NOS1AP: variants seen among roughly 807,000 people sequenced by gnomAD.
The protein encoded by NOS1AP is nitric oxide synthase 1 adaptor protein.
NOS1AP carries 21 observed loss-of-function variants against 56.2 expected under a neutral mutation model. That is an observed-to-expected ratio of 0.37 (90% confidence interval 0.26 to 0.54). The LOEUF (loss-of-function observed/expected upper bound fraction) is 0.54. Ranked by LOEUF, NOS1AP falls within the 20% of genes least tolerant of loss-of-function variation. The pLI, the probability that NOS1AP is intolerant of heterozygous loss-of-function variation, is 0.84. For missense variants in NOS1AP, 522 were observed against 657.8 expected (o/e 0.79, Z 2.26); for synonymous variants, 270 against 274.6 (o/e 0.98, Z 0.17).
intron 1 of NOS1AP, among the ~76,000 whole-genome samples, chr1:162,097,837 C>T (rs976045085): frequency 6.6e-6 from 1 of 152,018 alleles, no homozygotes; most frequent in African/African-American, 2.4e-5. Flanking sequence ...CCTTTGCTTT[C>T]TCATATAAAT....
intron 1 of NOS1AP, among the ~76,000 whole-genome samples, chr1:162,099,176 T>C (rs1480549907): frequency 6.7e-6 from 1 of 149,472 alleles, no homozygotes; most frequent in Admixed American, 6.9e-5. Context: ...CCAGCGTCTG[T>C]TACTTTTTGA....
rs754901919 is a variant in NOS1AP, at chr1:162,355,318, G to T, written c.727G>T (p.Val243Leu). 3 of 1,614,180 alleles carry T rather than the reference G, an allele frequency of 1.9e-6. No homozygotes were observed. Among genetic ancestry groups the T allele is most frequent in the Admixed American group, 1.7e-5 (1 of 60,022 alleles). The change falls in exon 7 of 10, where the codon GTA becomes TTA. Residue 243 changes from valine to leucine, a missense_variant. Around this residue, in one of 4 missense-constraint regions of NOS1AP, gnomAD observed 178 missense variants for 165.0 expected, o/e 1.08. Transcript: ENST00000361897. ...FSRGVTDLDA[V>L]GKEGGSHTGS... is the part of the protein sequence containing the mutation. ...CCGAGGTGTGACTGATCTAGATGCT[G>T]TAGGGAAGGAAGGAGGCTCTCACAC...
intron 8 of NOS1AP, among the ~76,000 whole-genome samples, chr1:162,360,242 T>C (rs1657856500): frequency 6.6e-6 from 1 of 151,986 alleles, no homozygotes; most frequent in South Asian, 2.1e-4. Flanking sequence ...GGGTTAGACC[T>C]CAGTGGGTAA....
chr1:162,145,337 G>T (rs771523575), intron 1 of NOS1AP, among the ~76,000 whole-genome samples: 1 of 152,200 alleles, frequency 6.6e-6, no homozygotes, highest in African/African-American at 2.4e-5. Flanking sequence ...CCACATGGGC[G>T]CTTTGAGTCC....
chr1:162,349,624 A>G (rs1657426113), intron 6 of NOS1AP, among the ~76,000 whole-genome samples: 1 of 152,234 alleles, frequency 6.6e-6, no homozygotes, highest in Non-Finnish European at 1.5e-5. Context: ...CATAATGCCT[A>G]GCATATAATA....
At chr1:162,330,174 C>T (rs549769744) in intron 4 of NOS1AP, among the ~76,000 whole-genome samples, 2 of 152,170 alleles carry the variant, frequency 1.3e-5, no homozygotes, top group South Asian at 2.1e-4. Context: ...AGAAGTTTTA[C>T]GTATGATGCT....
At chr1:162,073,865 G>A (rs957259526) in intron 1 of NOS1AP, among the ~76,000 whole-genome samples, 4 of 152,174 alleles carry the variant, frequency 2.6e-5, no homozygotes, top group Non-Finnish European at 4.4e-5. Context: ...CTTACTGACT[G>A]ATGCTGGTGG....
At chr1:162,136,480 A>C (rs1890023) in intron 1 of NOS1AP, among the ~76,000 whole-genome samples, 7,560 of 152,268 alleles carry the variant, frequency 0.05, 256 homozygotes, top group Middle Eastern at 0.082. Flanking sequence ...CTTGTAGATT[A>C]CCGTATCATA....
chr1:162,151,602 T>C (rs1224077795), intron 1 of NOS1AP, among the ~76,000 whole-genome samples: 1 of 152,242 alleles, frequency 6.6e-6, no homozygotes, highest in Non-Finnish European at 1.5e-5. Context: ...ACTTTAACAA[T>C]AGTGATTCTT....
At position 162,091,483 on chromosome 1, in the gene NOS1AP, C is replaced by T. The variant is rs565534218; in HGVS notation, c.105+21201C>T. Among the ~76,000 whole-genome samples the T allele has an allele frequency of 2.2e-4, 33 of 152,174 alleles. No homozygotes were observed. The South Asian group carries it at 6.4e-3, about 30-fold the overall frequency. The stretch of plus-strand genomic sequence containing the variant: ...AGTTTTTAAATTTGCTATTTAGTTG[C>T]TCTGTTTATTTTTTGTAGAGACTGT... On this transcript the variant is annotated intron_variant, in intron 1 of 9. Transcript: ENST00000361897.
chr1:162,096,461 A>G (rs1360479518), intron 1 of NOS1AP, among the ~76,000 whole-genome samples: 1 of 152,246 alleles, frequency 6.6e-6, no homozygotes, highest in Admixed American at 6.5e-5. Flanking sequence ...TACGTAATAT[A>G]AAGATCATGT....
intron 2 of NOS1AP, among the ~76,000 whole-genome samples, chr1:162,240,155 A>G (rs1029904615): frequency 2.6e-5 from 4 of 152,128 alleles, no homozygotes; most frequent in Non-Finnish European, 4.4e-5. Context: ...CTTCTCAATA[A>G]GCCACAACAA....
chr1:162,299,426 G>GT (rs1655571966), intron 3 of NOS1AP, among the ~76,000 whole-genome samples: 1 of 152,204 alleles, frequency 6.6e-6, no homozygotes, highest in Admixed American at 6.5e-5. Flanking sequence ...GACTTGTCTA[G>GT]TGAGGGATGT....
intron 1 of NOS1AP, among the ~76,000 whole-genome samples, chr1:162,135,027 C>G (rs1187354265): frequency 2.6e-5 from 4 of 152,202 alleles, no homozygotes. Context: ...TCTATCCAAC[C>G]AACTATTTAT....
intron 2 of NOS1AP, among the ~76,000 whole-genome samples, chr1:162,185,555 GCTGTGTCCTCAAAGCTGGGCTC>G (rs1218346905): frequency 6.6e-6 from 1 of 152,216 alleles, no homozygotes; most frequent in Non-Finnish European, 1.5e-5. Context: ...TGAGTCAGCA[GCTGTGTCCTCAAAGCTGGGCTC>G]TCCTATTAAC....
intron 1 of NOS1AP, among the ~76,000 whole-genome samples, chr1:162,126,323 A>G (rs1389944303): frequency 1.3e-5 from 2 of 151,738 alleles, no homozygotes; most frequent in Non-Finnish European, 2.9e-5. Flanking sequence ...TTATATTTTG[A>G]CCAGTTATTT....
At chr1:162,171,937 C>T (rs934890381) in intron 2 of NOS1AP, among the ~76,000 whole-genome samples, 1 of 152,158 alleles carries the variant, frequency 6.6e-6, no homozygotes, top group Non-Finnish European at 1.5e-5. Context: ...CTCCTTAAGC[C>T]ACCTTAACCC....
chr1:162,150,981 C>G (rs1036173245), intron 1 of NOS1AP, among the ~76,000 whole-genome samples: 1 of 152,112 alleles, frequency 6.6e-6, no homozygotes, highest in African/African-American at 2.4e-5. Flanking sequence ...TCCCATTTGT[C>G]TATTTTTGCT....
chr1:162,173,757 T>C (rs1470590590), intron 2 of NOS1AP, among the ~76,000 whole-genome samples: 1 of 152,282 alleles, frequency 6.6e-6, no homozygotes, highest in African/African-American at 2.4e-5. Flanking sequence ...GGGCGAAGGA[T>C]ATGAACAGGC....
Sources: allele counts gnomAD v4.1 joint callset (sites outside exome capture counted in the v4.1 genomes callset), GRCh38; gene constraint gnomAD v4.1.1; regional missense constraint gnomAD v4.1.1; transcripts MANE v1.5; gene names NCBI Gene and HGNC (gene_info 2026-07-23, HGNC 2026-07-21).